CFAP161: variants seen among roughly 807,000 people sequenced by gnomAD.
The protein encoded by CFAP161 is cilia and flagella associated protein 161.
A neutral mutation model predicts 29.0 loss-of-function variants in CFAP161; 25 were observed. That is an observed-to-expected ratio of 0.86 (90% CI 0.63 to 1.20). The LOEUF (loss-of-function observed/expected upper bound fraction) is 1.20, where lower values mean the gene tolerates loss of function less well. Ranked by LOEUF, CFAP161 falls within the 50% of genes most tolerant of loss-of-function variation. CFAP161 has a pLI of 0.00. For synonymous variants in CFAP161, 116 were observed against 137.4 expected, an observed-to-expected ratio of 0.84 and a Z score of 1.09; for missense variants, 367 against 371.9, an observed-to-expected ratio of 0.99 and a Z score of 0.11.
At chr15:81,128,340 T>A (rs2663910) in intron 2 of CFAP161, among the ~76,000 whole-genome samples, 3 of 152,044 alleles carry the variant, frequency 2.0e-5, no homozygotes, top group African/African-American at 7.2e-5. Flanking sequence ...CAAACCCTGC[T>A]GCTGCCTTAT....
intron 1 of CFAP161, among the ~76,000 whole-genome samples, chr15:81,127,125 C>T (rs193029906): frequency 1.5e-4 from 23 of 152,274 alleles, no homozygotes; most frequent in African/African-American, 5.5e-4. Flanking sequence ...TTGTGAATCC[C>T]ATTCTGTTTC....
At chr15:81,117,685 C>T (rs984356872) in intron 1 of CFAP161, 29 of 284,950 alleles carry the variant, frequency 1.0e-4, no homozygotes, top group Non-Finnish European at 1.5e-4. Context: ...TCACCTTTTC[C>T]GCTTTCTTCC....
intron 1 of CFAP161, among the ~76,000 whole-genome samples, chr15:81,126,271 A>G (rs1228946669): frequency 6.6e-6 from 1 of 152,264 alleles, no homozygotes; most frequent in Non-Finnish European, 1.5e-5. Flanking sequence ...AGGTAATTGA[A>G]TGAAGGCTGA....
intron 2 of CFAP161, 50 bp from the exon 3 acceptor site, chr15:81,136,466 C>A: frequency 6.5e-7 from 1 of 1,539,306 alleles, no homozygotes; most frequent in Non-Finnish European, 9.0e-7. Context: ...TTGGCAGTAA[C>A]TGTTGAGGAA....
intron 1 of CFAP161, among the ~76,000 whole-genome samples, chr15:81,101,599 G>C (rs1203470504): frequency 6.6e-6 from 1 of 151,318 alleles, no homozygotes; most frequent in Non-Finnish European, 1.5e-5. Flanking sequence ...GAGAGGGAGA[G>C]GCTGGGAATG....
At chr15:81,142,531 T>G (rs926533251) in intron 4 of CFAP161, among the ~76,000 whole-genome samples, 1 of 152,160 alleles carries the variant, frequency 6.6e-6, no homozygotes, top group African/African-American at 2.4e-5. Context: ...GAAAGCACCG[T>G]GCTCCTACCT....
chr15:81,138,655 G>T (rs1238472873), intron 4 of CFAP161, among the ~76,000 whole-genome samples: 1 of 152,130 alleles, frequency 6.6e-6, no homozygotes, highest in Admixed American at 6.5e-5. Flanking sequence ...TTTCAGGTGC[G>T]TACCTATGGG....
At chr15:81,146,138 AGAG>A (rs1365260990) in intron 5 of CFAP161, among the ~76,000 whole-genome samples, 3 of 152,220 alleles carry the variant, frequency 2.0e-5, no homozygotes, top group African/African-American at 7.2e-5. Flanking sequence ...TCATGATCAC[AGAG>A]TAGCCTTGTC....
Position 81,138,086 on chromosome 15 carries a change from A to G in CFAP161, c.428A>G (p.Tyr143Cys), listed in dbSNP as rs1245767504. ...HRDATGQVLRYGQDFCLGITG... is the reference protein window; with the variant it reads ...HRDATGQVLRCGQDFCLGITG... ...GATGCCACTGGTCAAGTCCTTAGAT[A>G]TGGGCAGGACTTTTGCCTGGGGATA... Residue 143 changes from tyrosine (Y) to cysteine (C), a missense_variant, in exon 4 of 7, where the codon TAT (tyrosine) becomes TGT (cysteine). Coordinates refer to ENST00000286732, the MANE Select transcript of CFAP161 (RefSeq NM_173528.4). 6.2e-7 allele frequency: 1 copy of G among 1,612,962 alleles called. No homozygotes were observed. The highest frequency in any genetic ancestry group is 1.3e-5 in the African/African-American group (1 of 74,910).
intron 3 of CFAP161, among the ~76,000 whole-genome samples, chr15:81,137,246 T>A (rs1894826266): frequency 6.6e-6 from 1 of 152,148 alleles, no homozygotes; most frequent in Non-Finnish European, 1.5e-5. Flanking sequence ...AGATACATGA[T>A]CACAATTAAA....
Position 81,114,960 on chromosome 15 carries a change from A to T in CFAP161, c.-141-12630A>T, listed in dbSNP as rs184548425. 2.0e-4 allele frequency among the ~76,000 whole-genome samples: 31 copies of T among 152,036 alleles called. No individual in the cohort carries two copies. The East Asian group carries it at 4.2e-3, about 21-fold the overall frequency. On this transcript the variant is annotated intron_variant, in intron 1 of 4. Transcript: ENST00000560091. ...TTACAGGCGCAAGGGTTTTTAAAAT[A>T]AAAAAAATGAGGATTGCATAATTGT... is the stretch of plus-strand genomic sequence containing the variant.
intron 1 of CFAP161, among the ~76,000 whole-genome samples, chr15:81,111,633 G>A (rs2141863497): frequency 6.6e-6 from 1 of 152,228 alleles, no homozygotes; most frequent in South Asian, 2.1e-4. Flanking sequence ...CTCTTGCCTC[G>A]ATGCTGAAGG....
At chr15:81,140,580 A>G (rs1054579019) in intron 4 of CFAP161, among the ~76,000 whole-genome samples, 1 of 149,484 alleles carries the variant, frequency 6.7e-6, no homozygotes, top group Non-Finnish European at 1.5e-5. Flanking sequence ...TTTTTTTGAG[A>G]CAGGGTCTCA....
intron 1 of CFAP161, among the ~76,000 whole-genome samples, chr15:81,110,496 G>A (rs967694079): frequency 6.6e-6 from 1 of 152,018 alleles, no homozygotes; most frequent in African/African-American, 2.4e-5. Context: ...TTGCCTCTGG[G>A]TGCTTCTGGA....
upstream of CFAP161, among the ~76,000 whole-genome samples, chr15:81,131,502 C>T (rs138143632): frequency 5.8e-3 from 881 of 152,002 alleles, 12 homozygotes; most frequent in Admixed American, 0.03. Context: ...AAAATATAAC[C>T]GAATGTAAAT....
chr15:81,123,369 G>C (rs1894600513), intron 1 of CFAP161, among the ~76,000 whole-genome samples: 1 of 151,982 alleles, frequency 6.6e-6, no homozygotes, highest in South Asian at 2.1e-4. Flanking sequence ...CTTATTTCTG[G>C]GTTCTCTCTT....
At chr15:81,139,510 A>G (rs1250984389) in intron 4 of CFAP161, among the ~76,000 whole-genome samples, 1 of 152,170 alleles carries the variant, frequency 6.6e-6, no homozygotes, top group Non-Finnish European at 1.5e-5. Flanking sequence ...AGATAAATAT[A>G]CAGATAGGTT....
intron 1 of CFAP161, among the ~76,000 whole-genome samples, chr15:81,115,652 A>C (rs1002609888): frequency 6.6e-6 from 1 of 152,152 alleles, no homozygotes; most frequent in Non-Finnish European, 1.5e-5. Context: ...TCTAGTTTGC[A>C]TAATGGGTTT....
intron 1 of CFAP161, among the ~76,000 whole-genome samples, chr15:81,101,658 C>A (rs1001756945): frequency 1.3e-5 from 2 of 151,452 alleles, no homozygotes; most frequent in Non-Finnish European, 1.5e-5. Flanking sequence ...AGCTCTTTGC[C>A]GACCAGCATG....
Sources: gnomAD v4.1 joint callset for allele counts (sites outside exome capture counted in the v4.1 genomes callset) on GRCh38, gnomAD v4.1.1 for gene constraint, MANE v1.5 for transcripts, NCBI Gene and HGNC (gene_info 2026-07-23, HGNC 2026-07-21) for gene names.